Variants in FRMPD4 observed in about 807,000 individuals in gnomAD.
FRMPD4 encodes FERM and PDZ domain containing 4.
FRMPD4 carries 22 observed loss-of-function variants against 94.1 expected under a neutral mutation model. That is an observed-to-expected ratio of 0.23 (90% confidence interval 0.17 to 0.33). FRMPD4 has a LOEUF of 0.33. Among genes scored for constraint, FRMPD4 ranks in the 10% least tolerant of loss-of-function variants. The pLI, the probability that FRMPD4 is intolerant of heterozygous loss-of-function variation, is 1.00. For missense variants in FRMPD4, 1,111 were observed against 1,339.9 expected, an observed-to-expected ratio of 0.83 and a Z score of 2.67; for synonymous variants, 631 against 548.6, an observed-to-expected ratio of 1.15 and a Z score of -2.10.
intron 3 of FRMPD4, among the ~76,000 whole-genome samples, chrX:12,023,003 T>C (rs1030615367): frequency 1.8e-5 from 2 of 111,179 alleles, no homozygotes; most frequent in African/African-American, 6.6e-5. Flanking sequence ...TGTCCTGAAA[T>C]TCAGATATTG....
intron 4 of FRMPD4, among the ~76,000 whole-genome samples, chrX:12,646,177 C>A (rs2059546082): frequency 8.9e-6 from 1 of 111,946 alleles, no homozygotes; most frequent in Admixed American, 9.5e-5. Flanking sequence ...GAAAAGTAAT[C>A]TTTATATAAT....
intron 2 of FRMPD4, among the ~76,000 whole-genome samples, chrX:12,593,285 A>G (rs934756035): frequency 8.9e-6 from 1 of 112,226 alleles, no homozygotes; most frequent in East Asian, 2.8e-4. Flanking sequence ...GGCAAGCTAC[A>G]TTGCCTTTGG....
At chrX:12,371,377 G>C (rs1436727259) in intron 1 of FRMPD4, among the ~76,000 whole-genome samples, 1 of 112,516 alleles carries the variant, frequency 8.9e-6, no homozygotes, top group East Asian at 2.8e-4. Flanking sequence ...AGATACTTGA[G>C]AGGTGGGTAG....
intron 2 of FRMPD4, among the ~76,000 whole-genome samples, chrX:12,543,577 A>T (rs2058440727): frequency 8.9e-6 from 1 of 112,207 alleles, no homozygotes; most frequent in African/African-American, 3.2e-5. Flanking sequence ...AATCATTAAA[A>T]AGTCTGGAAA....
intron 1 of FRMPD4, among the ~76,000 whole-genome samples, chrX:12,272,547 T>C (rs2054370476): frequency 9.0e-6 from 1 of 111,656 alleles, no homozygotes; most frequent in African/African-American, 3.3e-5. Context: ...CTAGGATGAA[T>C]TGTAGAAGGG....
chrX:12,522,131 AT>A (rs1158344431), intron 2 of FRMPD4, among the ~76,000 whole-genome samples: 1 of 105,461 alleles, frequency 9.5e-6, no homozygotes, highest in Non-Finnish European at 2.0e-5. Context: ...AAAAAAAAAA[AT>A]TCTGAGCCTC....
At chrX:12,285,738 T>C (rs2054590978) in intron 1 of FRMPD4, among the ~76,000 whole-genome samples, 1 of 112,294 alleles carries the variant, frequency 8.9e-6, no homozygotes, top group Non-Finnish European at 1.9e-5. Context: ...ATTTCTCTTT[T>C]CTGAAGCATT....
intron 1 of FRMPD4, among the ~76,000 whole-genome samples, chrX:12,413,428 C>A (rs1482258549): frequency 8.9e-6 from 1 of 112,128 alleles, no homozygotes; most frequent in Non-Finnish European, 1.9e-5. Flanking sequence ...CAAACTAAGA[C>A]AAATATTAAC....
intron 3 of FRMPD4, among the ~76,000 whole-genome samples, chrX:11,915,987 A>C (rs757801710): frequency 8.9e-6 from 1 of 112,518 alleles, no homozygotes; most frequent in Non-Finnish European, 1.9e-5. Context: ...GACATTTCAC[A>C]GAACATTTTG....
At chrX:12,000,959 T>C (rs1407065184) in intron 3 of FRMPD4, among the ~76,000 whole-genome samples, 10 of 112,141 alleles carry the variant, frequency 8.9e-5, no homozygotes, top group Admixed American at 8.5e-4. Flanking sequence ...CTAATATGAA[T>C]CTATTTATAG....
intron 1 of FRMPD4, among the ~76,000 whole-genome samples, chrX:12,230,051 G>C (rs185918948): frequency 3.6e-4 from 40 of 111,404 alleles, no homozygotes; most frequent in Admixed American, 3.2e-3. Context: ...TATGACTACT[G>C]TTGTTCTATA....
At chrX:11,916,424 G>A (rs1168728293) in intron 3 of FRMPD4, among the ~76,000 whole-genome samples, 1 of 111,132 alleles carries the variant, frequency 9.0e-6, no homozygotes, top group Non-Finnish European at 1.9e-5. Context: ...GGGTCCAGCA[G>A]TCAATCAGAA....
chrX:12,530,494 G>A (rs912207267), intron 2 of FRMPD4, among the ~76,000 whole-genome samples: 3 of 111,327 alleles, frequency 2.7e-5, no homozygotes, highest in African/African-American at 9.8e-5. Context: ...AAGCAGGGTG[G>A]AGAATTTACT....
At chrX:12,053,438 A>AAGAAAGAAAGAGAAAGAAAGAAG in intron 3 of FRMPD4, among the ~76,000 whole-genome samples, 1 of 99,242 alleles carries the variant, frequency 1.0e-5, no homozygotes, top group East Asian at 3.8e-4. Context: ...AAGAGAAAGA[A>AAGAAAGAAAGAGAAAGAAAGAAG]AGAAGAGAAG....
intron 9 of FRMPD4, among the ~76,000 whole-genome samples, chrX:12,697,644 T>A (rs1440850276): frequency 8.9e-6 from 1 of 112,312 alleles, no homozygotes; most frequent in African/African-American, 3.2e-5. Flanking sequence ...TGCACAAATC[T>A]AATATAGCTT....
intron 1 of FRMPD4, among the ~76,000 whole-genome samples, chrX:12,377,492 C>T (rs562992294): frequency 3.6e-5 from 4 of 111,850 alleles, no homozygotes; most frequent in Non-Finnish European, 5.6e-5. Flanking sequence ...TGGATCCTTT[C>T]GAATGAAGGA....
At chrX:11,900,219 A>C (rs1239771312) in intron 3 of FRMPD4, among the ~76,000 whole-genome samples, 1 of 110,424 alleles carries the variant, frequency 9.1e-6, no homozygotes, top group Non-Finnish European at 1.9e-5. Flanking sequence ...AGAAGGGGGA[A>C]GGAACAATTT....
At chrX:11,869,681 C>A (rs1224421796) in intron 2 of FRMPD4, among the ~76,000 whole-genome samples, 4 of 111,300 alleles carry the variant, frequency 3.6e-5, no homozygotes, top group African/African-American at 1.3e-4. Flanking sequence ...GCTGTGAGGT[C>A]ATTTTTGAGC....
intron 3 of FRMPD4, among the ~76,000 whole-genome samples, chrX:11,911,887 G>A (rs1260033226): frequency 8.9e-6 from 1 of 112,127 alleles, no homozygotes; most frequent in African/African-American, 3.2e-5. Flanking sequence ...AGCCAGATTT[G>A]GACAGAGAAT....
Sources: gnomAD v4.1 joint callset for allele counts (sites outside exome capture counted in the v4.1 genomes callset) on GRCh38, gnomAD v4.1.1 for gene constraint, MANE v1.5 for transcripts, NCBI Gene and HGNC (gene_info 2026-07-23, HGNC 2026-07-21) for gene names.